The following RHOU variants were observed in gnomAD, a reference collection of about 807,000 sequenced individuals.
RHOU encodes the protein rho-related GTP-binding protein RhoU.
RHOU carries 8 observed loss-of-function variants against 12.6 expected under a neutral mutation model. The observed-to-expected ratio is 0.64, with a 90% confidence interval of 0.37 to 1.15. RHOU has a LOEUF of 1.15. Ranked by LOEUF, RHOU falls within the 50% of genes most tolerant of loss-of-function variation. The probability of loss-of-function intolerance (pLI) is 0.01; values close to 1 mark genes in which losing one functional copy is unlikely to be tolerated. For missense variants in RHOU, 258 were observed against 347.0 expected, an observed-to-expected ratio of 0.74 and a Z score of 2.04; for synonymous variants, 161 against 147.4, an observed-to-expected ratio of 1.09 and a Z score of -0.67.
the RHOU span, among the ~76,000 whole-genome samples, chr1:228,708,834 A>G: frequency 1.3e-5 from 2 of 152,238 alleles, no homozygotes; most frequent in African/African-American, 4.8e-5. Flanking sequence ...TCAATGGACT[A>G]AATGCTCCAA....
At chr1:228,678,666 T>C in the RHOU span, among the ~76,000 whole-genome samples, 2 of 152,132 alleles carry the variant, frequency 1.3e-5, no homozygotes, top group Non-Finnish European at 2.9e-5. Flanking sequence ...TTAGAGTCAG[T>C]ATAAATATTG....
At chr1:228,726,341 T>C in the RHOU span, among the ~76,000 whole-genome samples, 1 of 152,090 alleles carries the variant, frequency 6.6e-6, no homozygotes, top group Non-Finnish European at 1.5e-5. Context: ...GTCTAATGGT[T>C]TGATGGAAAG....
At chr1:228,739,745 C>G (rs114270652) in intron 2 of RHOU, among the ~76,000 whole-genome samples, 75 of 152,348 alleles carry the variant, frequency 4.9e-4, no homozygotes, top group African/African-American at 1.8e-3. Flanking sequence ...GGATGTCACT[C>G]AAATATCACT....
Position 228,743,545 on chromosome 1 carries a change from A to G in RHOU, c.582A>G (p.Glu194=). The change falls in exon 3 of 3, where the codon GAA becomes GAG. Residue 194 remains glutamate (E), a synonymous_variant. Coordinates refer to ENST00000366691, the MANE Select transcript of RHOU (RefSeq NM_021205.6). This position sits in a 1 kb window ranked among gnomAD's most constrained non-coding sequence, Gnocchi z 5.1. ...PEEAAKLCAE[E]IKAASYIECS... ...AGGCGGCTAAGCTGTGCGCCGAGGA[A>G]ATCAAAGCCGCCTCCTACATCGAGT... 6.2e-7 allele frequency: 1 copy of G among 1,614,200 alleles called. No individual in the cohort carries two copies. Among genetic ancestry groups the G allele is most frequent in the African/African-American group, 1.3e-5 (1 of 75,042 alleles).
the RHOU span, among the ~76,000 whole-genome samples, chr1:228,728,219 T>G: frequency 6.6e-6 from 1 of 152,216 alleles, no homozygotes; most frequent in African/African-American, 2.4e-5. Flanking sequence ...TCAGCCTGCC[T>G]AGAACAGCAT....
At chr1:228,698,531 G>C in the RHOU span, among the ~76,000 whole-genome samples, 1 of 152,226 alleles carries the variant, frequency 6.6e-6, no homozygotes, top group East Asian at 1.9e-4. Context: ...AAAGAAGTCT[G>C]TTGTGTAACC....
the RHOU span, chr1:228,647,986 C>G: frequency 6.6e-6 from 1 of 152,242 alleles, no homozygotes; most frequent in Non-Finnish European, 1.5e-5. Flanking sequence ...CTTATCTTCA[C>G]GAGATCAGAG....
intron 2 of RHOU, among the ~76,000 whole-genome samples, chr1:228,739,957 G>T (rs1315180594): frequency 1.3e-5 from 2 of 152,220 alleles, no homozygotes; most frequent in African/African-American, 4.8e-5. Flanking sequence ...GACTTACAGT[G>T]TGGAGGGAAG....
the RHOU span, among the ~76,000 whole-genome samples, chr1:228,646,917 G>T: frequency 2.0e-5 from 3 of 152,036 alleles, no homozygotes; most frequent in African/African-American, 4.8e-5. Context: ...GAGAGAGACC[G>T]GAGAGGTGGA....
chr1:228,734,680 T>G (rs896842834), upstream of RHOU, among the ~76,000 whole-genome samples: 2 of 152,200 alleles, frequency 1.3e-5, no homozygotes, highest in African/African-American at 4.8e-5. Context: ...CCCCCAGGAC[T>G]CTTGGTATTC....
the RHOU span, among the ~76,000 whole-genome samples, chr1:228,707,228 TAC>T: frequency 1.2e-4 from 12 of 96,130 alleles, no homozygotes; most frequent in East Asian, 1.0e-3. Context: ...CATATATATA[TAC>T]ATATGTATAT....
chr1:228,691,017 T>C, the RHOU span, among the ~76,000 whole-genome samples: 1 of 152,238 alleles, frequency 6.6e-6, no homozygotes, highest in African/African-American at 2.4e-5. Context: ...AGGAAACGAC[T>C]TAACTCAGTT....
chr1:228,702,719 T>C, the RHOU span, among the ~76,000 whole-genome samples: 1 of 152,234 alleles, frequency 6.6e-6, no homozygotes. Context: ...AAGTGACAAT[T>C]CTGAAGTCAT....
At chr1:228,711,695 C>A in the RHOU span, among the ~76,000 whole-genome samples, 2 of 151,968 alleles carry the variant, frequency 1.3e-5, no homozygotes, top group Non-Finnish European at 2.9e-5. Context: ...AGACCTAAAA[C>A]CATAAAAACC....
At chr1:228,666,176 T>C in the RHOU span, among the ~76,000 whole-genome samples, 2 of 152,312 alleles carry the variant, frequency 1.3e-5, no homozygotes, top group Middle Eastern at 3.4e-3. Flanking sequence ...GCCAGTCTGG[T>C]ATCGAACTCC....
the RHOU span, among the ~76,000 whole-genome samples, chr1:228,652,145 T>A: frequency 6.6e-6 from 1 of 152,234 alleles, no homozygotes; most frequent in Non-Finnish European, 1.5e-5. Flanking sequence ...TTTTTTCAGA[T>A]CATAGACTAA....
Position 228,743,872 on chromosome 1 carries a change from T to TACATA in RHOU, c.*132_*133insACATA. 4.1e-6 allele frequency: 3 copies of TACATA among 727,454 alleles called. No homozygotes were observed. In the South Asian group the frequency reaches 7.2e-5, roughly 17 times the overall value. 45.1% of individuals were successfully genotyped at this position (727,454 alleles called of 1,614,324 possible). A position where few individuals can be genotyped will look rare whatever the true frequency, so the allele number is the denominator to read the frequency against. The stretch of plus-strand genomic sequence containing the variant: ...TGTATATGTATTATAGGAGGAGCTC[T>TACATA]CAATTTTATGTATTCTTTCTGCCTT... On this transcript the variant is annotated 3_prime_UTR_variant, in exon 3 of 3. Coordinates refer to ENST00000366691, the MANE Select transcript of RHOU (RefSeq NM_021205.6). The surrounding 1 kb of genome is among the most constrained non-coding windows in gnomAD (Gnocchi z 5.1).
At chr1:228,694,893 A>G in the RHOU span, among the ~76,000 whole-genome samples, 1 of 152,216 alleles carries the variant, frequency 6.6e-6, no homozygotes, top group Non-Finnish European at 1.5e-5. Context: ...TAAGTACAAC[A>G]TTATGATAAT....
At chr1:228,704,254 T>C in the RHOU span, among the ~76,000 whole-genome samples, 1 of 152,060 alleles carries the variant, frequency 6.6e-6, no homozygotes, top group Non-Finnish European at 1.5e-5. Flanking sequence ...CTCCCTAAAA[T>C]GTATAAAAGC....
Sources: allele counts gnomAD v4.1 joint callset (sites outside exome capture counted in the v4.1 genomes callset), GRCh38; gene constraint gnomAD v4.1.1; non-coding constraint Gnocchi (gnomAD v3.1); transcripts MANE v1.5; gene names NCBI Gene and HGNC (gene_info 2026-07-23, HGNC 2026-07-21).